KIAA1549L: variants seen among roughly 807,000 people sequenced by gnomAD.
KIAA1549L encodes the protein KIAA1549 like.
Under a neutral mutation model 160.7 loss-of-function variants are expected in KIAA1549L, and 88 were observed. That is an observed-to-expected ratio of 0.55 (90% CI 0.46 to 0.65). KIAA1549L has a LOEUF of 0.65. Among genes scored for constraint, KIAA1549L ranks in the 30% least tolerant of loss-of-function variants. The pLI is 0.00. For synonymous variants in KIAA1549L, 950 were observed against 976.7 expected (o/e 0.97, Z 0.51); for missense variants, 2,258 against 2,437.5 (o/e 0.93, Z 1.55).
chr11:33,575,934 A>G (rs1204716210), intron 10 of KIAA1549L, among the ~76,000 whole-genome samples: 1 of 152,152 alleles, frequency 6.6e-6, no homozygotes, highest in African/African-American at 2.4e-5. Context: ...GAGTAATATC[A>G]TTGGAACTGC....
intron 1 of KIAA1549L, among the ~76,000 whole-genome samples, chr11:33,495,588 T>G (rs1227431539): frequency 6.6e-6 from 1 of 152,240 alleles, no homozygotes; most frequent in Non-Finnish European, 1.5e-5. Context: ...AATAAGCATA[T>G]GCGTGCATGT....
intron 1 of KIAA1549L, among the ~76,000 whole-genome samples, chr11:33,461,355 T>C (rs567445374): frequency 1.1e-4 from 16 of 152,280 alleles, no homozygotes; most frequent in African/African-American, 3.9e-4. Context: ...TCATCCTCAT[T>C]TTATAAACCG....
chr11:33,584,458 C>G (rs2133271059), intron 11 of KIAA1549L, among the ~76,000 whole-genome samples: 1 of 152,326 alleles, frequency 6.6e-6, no homozygotes, highest in Non-Finnish European at 1.5e-5. Flanking sequence ...CATCTCTGCA[C>G]CACTCACCTC....
rs1362095610 is a variant in KIAA1549L, at chr11:33,542,388, A to G, written c.825A>G (p.Gln275=). The G allele has an allele frequency of 5.2e-6, 7 of 1,341,470 alleles. No individual in the cohort carries two copies. Among genetic ancestry groups the G allele is most frequent in the African/African-American group, 4.4e-5 (3 of 68,374 alleles). The allele number at this position is 1,341,470 out of a possible 1,614,324, so 83.1% of individuals were successfully genotyped here. ...EQSPKVLLVP[Q]TAPADPSLGQ... ...CCCCCAAAGTGCTGTTAGTTCCCCAAACAGCTCCAGCCGACCCCTCTTTAG... is the reference window on the plus strand; with the variant it reads ...CCCCCAAAGTGCTGTTAGTTCCCCAGACAGCTCCAGCCGACCCCTCTTTAG... The change falls in exon 2 of 21, where the codon CAA becomes CAG. Residue 275 remains glutamine (Q), a synonymous_variant. Coordinates refer to ENST00000658780, the MANE Select transcript of KIAA1549L (RefSeq NM_012194.3).
intron 1 of KIAA1549L, among the ~76,000 whole-genome samples, chr11:33,388,880 G>C (rs1367699308): frequency 6.6e-6 from 1 of 152,084 alleles, no homozygotes; most frequent in Non-Finnish European, 1.5e-5. Context: ...ATAGAATGGG[G>C]ATAAATTCAT....
chr11:33,484,263 A>G (rs1277855250), intron 1 of KIAA1549L, among the ~76,000 whole-genome samples: 2 of 152,214 alleles, frequency 1.3e-5, no homozygotes, highest in Non-Finnish European at 2.9e-5. Context: ...TGATATCCAC[A>G]TGGAGAATGT....
intron 1 of KIAA1549L, among the ~76,000 whole-genome samples, chr11:33,519,341 G>A (rs546343039): frequency 7.2e-5 from 11 of 152,156 alleles, no homozygotes; most frequent in African/African-American, 2.6e-4. Context: ...ATATATATTT[G>A]TCATAACTTA....
At chr11:33,530,418 A>G (rs1853714895) in intron 1 of KIAA1549L, among the ~76,000 whole-genome samples, 1 of 7,586 alleles carries the variant, frequency 1.3e-4, no homozygotes, top group Non-Finnish European at 2.4e-4. Context: ...AAGAAGGAAA[A>G]AAAAAAAAAA....
intron 17 of KIAA1549L, among the ~76,000 whole-genome samples, chr11:33,649,330 T>C (rs1195851805): frequency 2.1e-5 from 3 of 140,692 alleles, no homozygotes; most frequent in Non-Finnish European, 4.5e-5. Context: ...AATGAGATCC[T>C]GTCTCTACGG....
At chr11:33,389,421 C>T (rs1285906375) in intron 1 of KIAA1549L, among the ~76,000 whole-genome samples, 5 of 152,060 alleles carry the variant, frequency 3.3e-5, no homozygotes, top group Admixed American at 1.3e-4. Flanking sequence ...CTTCATTGTC[C>T]GTTAAGAAGT....
rs1180781136 is a variant in KIAA1549L, at chr11:33,435,784, A to ATGTGTGTGTGTGTGTGTGTG, written c.238+58896_238+58897insGTGTGTGTGTGTGTGTGTGT. 1.4e-3 allele frequency among the ~76,000 whole-genome samples: 28 copies of ATGTGTGTGTGTGTGTGTGTG among 20,654 alleles called. 2 individuals carry two copies. The highest frequency in any genetic ancestry group is 2.1e-3 in the Non-Finnish European group (27 of 13,020). The allele number at this position is 20,654 out of a possible 152,430, so 13.5% of individuals were successfully genotyped here. On this transcript the variant is annotated intron_variant, in intron 1 of 20. Transcript: ENST00000658780. ...GATATATATATATATATATATATATATATATATATATATATATATATATAT... is the reference window on the plus strand; with the variant it reads ...GATATATATATATATATATATATATATGTGTGTGTGTGTGTGTGTGTATATATATATATATATATATATAT...
intron 12 of KIAA1549L, among the ~76,000 whole-genome samples, chr11:33,596,930 C>T (rs570318552): frequency 2.3e-3 from 354 of 152,260 alleles, no homozygotes; most frequent in Non-Finnish European, 4.1e-3. Flanking sequence ...GGGTGTTGCA[C>T]ACCCAGCACT....
intron 1 of KIAA1549L, among the ~76,000 whole-genome samples, chr11:33,511,635 A>T (rs1565164312): frequency 6.6e-6 from 1 of 152,170 alleles, no homozygotes; most frequent in Non-Finnish European, 1.5e-5. Flanking sequence ...GGTGCCTAGG[A>T]TGGATGACTA....
At chr11:33,464,512 G>A (rs995985859) in intron 1 of KIAA1549L, among the ~76,000 whole-genome samples, 1 of 131,540 alleles carries the variant, frequency 7.6e-6, no homozygotes, top group Admixed American at 7.5e-5. Flanking sequence ...GTGTGTGTGT[G>A]CGTGCGCGCA....
At chr11:33,623,754 G>A (rs7113925) in intron 16 of KIAA1549L, among the ~76,000 whole-genome samples, 1 of 152,164 alleles carries the variant, frequency 6.6e-6, no homozygotes, top group African/African-American at 2.4e-5. Context: ...AGGGGTTTCA[G>A]CATGGCCTAG....
intron 1 of KIAA1549L, among the ~76,000 whole-genome samples, chr11:33,488,539 C>A (rs191757693): frequency 2.7e-4 from 41 of 152,232 alleles, no homozygotes; most frequent in African/African-American, 9.1e-4. Flanking sequence ...GTTTTAGGAG[C>A]CTTCTCTGTA....
intron 1 of KIAA1549L, among the ~76,000 whole-genome samples, chr11:33,510,241 A>G (rs896201282): frequency 2.4e-4 from 36 of 151,862 alleles, no homozygotes; most frequent in Admixed American, 1.2e-3. Context: ...ACTGGAGTGC[A>G]CTGCTGTGAT....
chr11:33,469,844 T>C (rs1438897861), intron 1 of KIAA1549L, among the ~76,000 whole-genome samples: 1 of 152,212 alleles, frequency 6.6e-6, no homozygotes, highest in African/African-American at 2.4e-5. Context: ...TTCAAATCCT[T>C]TGGCCATTAC....
Position 33,600,152 on chromosome 11 carries a change from G to C in KIAA1549L, c.4879+1205G>C, listed in dbSNP as rs75833051. 3.8e-3 allele frequency among the ~76,000 whole-genome samples: 584 copies of C among 152,244 alleles called. 4 individuals are homozygous for C. Among genetic ancestry groups the C allele is most frequent in the Non-Finnish European group, 6.5e-3 (444 of 68,024 alleles). Reference sequence around the variant, plus strand: ...AAGTTTAAACTGTCATACCTATTTGGTGGTTGAAATTTTGTCTTTCCCTGA... The same window carrying C: ...AAGTTTAAACTGTCATACCTATTTGCTGGTTGAAATTTTGTCTTTCCCTGA... On this transcript the variant is annotated intron_variant, in intron 13 of 20. Coordinates refer to ENST00000658780, the MANE Select transcript of KIAA1549L (RefSeq NM_012194.3).
Sources: allele counts gnomAD v4.1 joint callset (sites outside exome capture counted in the v4.1 genomes callset), GRCh38; gene constraint gnomAD v4.1.1; transcripts MANE v1.5; gene names NCBI Gene and HGNC (gene_info 2026-07-23, HGNC 2026-07-21).